Variants in TXLNB observed in about 807,000 individuals in gnomAD.
TXLNB encodes the protein beta-taxilin.
In TXLNB, 37 loss-of-function variants were observed where a neutral mutation model predicts 57.4. That is an observed-to-expected ratio of 0.64 (90% CI 0.50 to 0.85). TXLNB has a LOEUF of 0.85. Ranked by LOEUF, TXLNB falls within the 40% of genes least tolerant of loss-of-function variation. The probability of loss-of-function intolerance (pLI) is 0.00; values close to 1 mark genes in which losing one functional copy is unlikely to be tolerated. For missense variants in TXLNB, 848 were observed against 825.6 expected (o/e 1.03, Z -0.33); for synonymous variants, 302 against 309.6 (o/e 0.98, Z 0.26).
chr6:139,286,374 T>G (rs2114633659), intron 2 of TXLNB, among the ~76,000 whole-genome samples: 1 of 150,706 alleles, frequency 6.6e-6, no homozygotes, highest in African/African-American at 2.5e-5. Flanking sequence ...TATCATCTCC[T>G]TCAGAAAATT....
the TXLNB span, among the ~76,000 whole-genome samples, chr6:139,302,145 A>C: frequency 0.019 from 2,949 of 152,270 alleles, 31 homozygotes; most frequent in Non-Finnish European, 0.029. Context: ...AGATGGTAGC[A>C]TACATGTAGG....
the TXLNB span, among the ~76,000 whole-genome samples, chr6:139,231,249 C>T: frequency 6.6e-6 from 1 of 152,094 alleles, no homozygotes; most frequent in African/African-American, 2.4e-5. Context: ...CAGAGTTTTC[C>T]TTCTTGTTTT....
chr6:139,249,963 C>A (rs1776155423), intron 7 of TXLNB, among the ~76,000 whole-genome samples: 1 of 152,028 alleles, frequency 6.6e-6, no homozygotes, highest in Non-Finnish European at 1.5e-5. Context: ...GACACACACA[C>A]TCTGTCTCTC....
chr6:139,272,682 C>A (rs972991981), intron 3 of TXLNB, among the ~76,000 whole-genome samples: 2 of 152,156 alleles, frequency 1.3e-5, no homozygotes, highest in South Asian at 2.1e-4. Context: ...ATTAGATAGG[C>A]GTGAAATTTC....
chr6:139,190,923 T>C, the TXLNB span, among the ~76,000 whole-genome samples: 2 of 151,992 alleles, frequency 1.3e-5, no homozygotes, highest in Non-Finnish European at 2.9e-5. Context: ...ATTATTTAAG[T>C]AGTTAAGATT....
At chr6:139,318,770 G>A in the TXLNB span, among the ~76,000 whole-genome samples, 2 of 152,094 alleles carry the variant, frequency 1.3e-5, no homozygotes, top group African/African-American at 4.8e-5. Flanking sequence ...AAATATGAGT[G>A]TATTTGTTGC....
At chr6:139,322,446 T>C in the TXLNB span, among the ~76,000 whole-genome samples, 8 of 152,176 alleles carry the variant, frequency 5.3e-5, no homozygotes, top group Non-Finnish European at 7.3e-5. Context: ...TATTAATCCA[T>C]TCATAAAAGC....
chr6:139,197,158 CTT>C, the TXLNB span, among the ~76,000 whole-genome samples: 1 of 152,198 alleles, frequency 6.6e-6, no homozygotes, highest in Non-Finnish European at 1.5e-5. Flanking sequence ...ATCACACACT[CTT>C]ATAGAGTTTT....
chr6:139,233,415 A>G, the TXLNB span, among the ~76,000 whole-genome samples: 1 of 19,728 alleles, frequency 5.1e-5, no homozygotes, highest in Non-Finnish European at 1.0e-4. Context: ...ATAAATTTAT[A>G]TATATATAAA....
chr6:139,249,512 C>A (rs1221538761), intron 7 of TXLNB, among the ~76,000 whole-genome samples: 2 of 152,178 alleles, frequency 1.3e-5, no homozygotes, highest in Non-Finnish European at 2.9e-5. Context: ...GGGTTATCAG[C>A]TGGAAGGAAG....
chr6:139,243,069 G>A lies in TXLNB; in HGVS notation c.1512C>T (p.Ala504=). 6.2e-7 allele frequency: 1 copy of A among 1,614,180 alleles called. No individual in the cohort carries two copies. The highest frequency in any genetic ancestry group is 8.5e-7 in the Non-Finnish European group (1 of 1,180,030). The part of the protein sequence containing the change: ...NSVQTAVKNL[A]TAFMIIHHPE... Reference sequence around the variant, plus strand: ...GATGATGAATTATCATGAAGGCTGTGGCCAGATTTTTCACGGCGGTTTGGA... The same window carrying A: ...GATGATGAATTATCATGAAGGCTGTAGCCAGATTTTTCACGGCGGTTTGGA... The change falls in exon 10 of 10, where the codon GCC becomes GCT. Residue 504 remains alanine, a synonymous_variant. Coordinates refer to ENST00000358430, the MANE Select transcript of TXLNB (RefSeq NM_153235.4).
At chr6:139,187,333 C>A in the TXLNB span, among the ~76,000 whole-genome samples, 1 of 152,090 alleles carries the variant, frequency 6.6e-6, no homozygotes, top group Non-Finnish European at 1.5e-5. Context: ...CTATTTGGTT[C>A]TCTTTAAAGT....
chr6:139,163,275 G>C, the TXLNB span, among the ~76,000 whole-genome samples: 1 of 151,990 alleles, frequency 6.6e-6, no homozygotes, highest in Non-Finnish European at 1.5e-5. Context: ...CAGAGATCCA[G>C]CCCAAATGTC....
the TXLNB span, among the ~76,000 whole-genome samples, chr6:139,199,148 C>T: frequency 6.6e-6 from 1 of 152,088 alleles, no homozygotes; most frequent in Non-Finnish European, 1.5e-5. Context: ...TATTTAGATC[C>T]TAGATTCACA....
the TXLNB span, among the ~76,000 whole-genome samples, chr6:139,211,135 G>T: frequency 3.9e-5 from 6 of 152,302 alleles, no homozygotes; most frequent in South Asian, 4.1e-4. Flanking sequence ...GAGAGTAGTG[G>T]TTCTCCCAGC....
In TXLNB at chr6:139,276,911, G is replaced by A; in HGVS notation, c.435C>T (p.Ala145=). 1 of 1,572,270 alleles carries A rather than the reference G, an allele frequency of 6.4e-7. No homozygotes were observed. Among genetic ancestry groups the A allele is most frequent in the African/African-American group, 1.7e-5 (1 of 58,458 alleles). The change falls in exon 3 of 10, where the codon GCC becomes GCT. Residue 145 remains alanine, a synonymous_variant. Transcript: ENST00000358430. ...TGTTCAGATTTTGCATTAGCAGGTTGGCTTCTTTGCCTTAAAAAAAAAAGA... is the reference window on the plus strand; with the variant it reads ...TGTTCAGATTTTGCATTAGCAGGTTAGCTTCTTTGCCTTAAAAAAAAAAGA... ...KKILKGLGKE[A]NLLMQNLNKL...
chr6:139,307,899 C>T, the TXLNB span, among the ~76,000 whole-genome samples: 2 of 152,146 alleles, frequency 1.3e-5, no homozygotes, highest in South Asian at 4.1e-4. Context: ...CACAAATTTG[C>T]TCCTGATTAA....
chr6:139,319,030 C>A, the TXLNB span, among the ~76,000 whole-genome samples: 21 of 150,430 alleles, frequency 1.4e-4, no homozygotes, highest in East Asian at 3.3e-3. Context: ...GCAACCTCAG[C>A]CTGCTGGGTT....
chr6:139,225,004 T>C, the TXLNB span, among the ~76,000 whole-genome samples: 2 of 152,158 alleles, frequency 1.3e-5, no homozygotes, highest in African/African-American at 4.8e-5. Context: ...CCAACCTGAA[T>C]TTGTTCTAAA....
Sources: gnomAD v4.1 joint callset for allele counts (sites outside exome capture counted in the v4.1 genomes callset) on GRCh38, gnomAD v4.1.1 for gene constraint, MANE v1.5 for transcripts, NCBI Gene and HGNC (gene_info 2026-07-23, HGNC 2026-07-21) for gene names.